The following ITSN1 variants were observed in gnomAD, a reference collection of about 807,000 sequenced individuals.
The protein encoded by ITSN1 is intersectin-1.
ITSN1 carries 58 observed loss-of-function variants against 239.8 expected under a neutral mutation model. That is an observed-to-expected ratio of 0.24 (90% CI 0.20 to 0.30). The LOEUF is 0.30. Among genes scored for constraint, ITSN1 ranks in the 10% least tolerant of loss-of-function variants. The pLI, the probability that ITSN1 is intolerant of heterozygous loss-of-function variation, is 1.00. For synonymous variants in ITSN1, 780 were observed against 770.8 expected (o/e 1.01, Z -0.20); for missense variants, 1,558 against 2,103.3 (o/e 0.74, Z 5.07).
At chr21:33,732,466 A>G (rs1032641362) in intron 4 of ITSN1, among the ~76,000 whole-genome samples, 1 of 152,220 alleles carries the variant, frequency 6.6e-6, no homozygotes. Context: ...ATTACTTTCC[A>G]GAAATCACTA....
chr21:33,791,422 T>C (rs2071122918), intron 16 of ITSN1, among the ~76,000 whole-genome samples: 1 of 152,244 alleles, frequency 6.6e-6, no homozygotes, highest in South Asian at 2.1e-4. Context: ...GTTCCTAAGA[T>C]CGGTTCAAAT....
chr21:33,751,549 A>G (rs555359604), intron 6 of ITSN1, among the ~76,000 whole-genome samples: 2 of 152,366 alleles, frequency 1.3e-5, no homozygotes, highest in South Asian at 2.1e-4. Flanking sequence ...ATGTGATACA[A>G]AATGTTTAAT....
Position 33,758,383 on chromosome 21 carries a change from G to A in ITSN1, c.724+2986G>A, listed in dbSNP as rs562221182. 3.3e-5 allele frequency among the ~76,000 whole-genome samples: 5 copies of A among 152,302 alleles called. No individual in the cohort carries two copies. The East Asian group carries it at 5.8e-4, about 18-fold the overall frequency. ...GCTTACCTCTGCCTCCCAAAGTGGT[G>A]GGATTATAGGCGTGAGCCACCGCGT... On this transcript the variant is annotated intron_variant, in intron 8 of 39. Transcript: ENST00000381318.
chr21:33,885,540 C>T lies in ITSN1; in HGVS notation c.4843+18C>T, dbSNP rs183886987. On this transcript the variant is annotated intron_variant, in intron 38 of 39. Transcript: ENST00000381318. ...GTCACATGGTAAGGCTGTGAGGCGC[C>T]CCCGGCTCCTGCTTTGGGGTTGGGA... 6.2e-7 allele frequency: 1 copy of T among 1,609,424 alleles called. No homozygotes were observed. Among genetic ancestry groups the T allele is most frequent in the Non-Finnish European group, 8.5e-7 (1 of 1,175,928 alleles).
In ITSN1 at chr21:33,761,843, A is replaced by C. The variant is rs1602074476; in HGVS notation, c.725-80A>C. The C allele has an allele frequency of 2.6e-5, 25 of 977,550 alleles. No homozygotes were observed. In the East Asian group the frequency reaches 5.7e-4, roughly 22 times the overall value. The allele number at this position is 977,550 out of a possible 1,614,324, so 60.6% of individuals were successfully genotyped here. On this transcript the variant is annotated intron_variant, in intron 8 of 39. Coordinates refer to ENST00000381318, the MANE Select transcript of ITSN1 (RefSeq NM_003024.3). ...ATTGCATGAGGTCATGGAGTAGTCCACATACGCAGAACCCTGGTCCTCCTG... is the reference window on the plus strand; with the variant it reads ...ATTGCATGAGGTCATGGAGTAGTCCCCATACGCAGAACCCTGGTCCTCCTG...
Position 33,794,258 on chromosome 21 carries a change from A to G in ITSN1, c.1825-83A>G, listed in dbSNP as rs2071365808. The G allele has an allele frequency of 5.7e-6, 6 of 1,048,770 alleles. No individual in the cohort carries two copies. In the Admixed American group the frequency reaches 1.2e-4, roughly 21 times the overall value. 65.0% of individuals were successfully genotyped at this position (1,048,770 alleles called of 1,614,324 possible). ...ATCTCCTAAGTGTCCTAGGCTTCCCACTATGAAATGTTGCATGCTGATAAA... is the reference window on the plus strand; with the variant it reads ...ATCTCCTAAGTGTCCTAGGCTTCCCGCTATGAAATGTTGCATGCTGATAAA... On this transcript the variant is annotated intron_variant, in intron 16 of 39. Coordinates refer to ENST00000381318, the MANE Select transcript of ITSN1 (RefSeq NM_003024.3).
chr21:33,664,779 A>G lies in ITSN1; in HGVS notation c.-33+22066A>G, dbSNP rs190286192. Among the ~76,000 whole-genome samples the G allele has an allele frequency of 2.0e-5, 3 of 152,334 alleles. No homozygotes were observed. The East Asian group carries it at 5.8e-4, about 29-fold the overall frequency. ...TTATCACCTGTGATCCAAGCCTGGA[A>G]TTTATAATTTAAGATACGAATGAAG... On this transcript the variant is annotated intron_variant, in intron 1 of 39. Coordinates refer to ENST00000381318, the MANE Select transcript of ITSN1 (RefSeq NM_003024.3).
intron 1 of ITSN1, among the ~76,000 whole-genome samples, chr21:33,650,514 A>G (rs1400152758): frequency 6.6e-6 from 1 of 152,226 alleles, no homozygotes; most frequent in African/African-American, 2.4e-5. Context: ...AAACACATAT[A>G]TCATTCCAGT....
intron 7 of ITSN1, among the ~76,000 whole-genome samples, chr21:33,752,334 A>ACT (rs2067611459): frequency 6.6e-6 from 1 of 150,408 alleles, no homozygotes; most frequent in African/African-American, 2.5e-5. Flanking sequence ...TATCTCAGAT[A>ACT]ATCTTGTGGA....
chr21:33,729,957 T>G (rs1045560516), intron 4 of ITSN1, among the ~76,000 whole-genome samples: 7 of 152,242 alleles, frequency 4.6e-5, no homozygotes, highest in African/African-American at 1.4e-4. Flanking sequence ...ATTTCAAGAT[T>G]ACTTTGTAGT....
At chr21:33,807,728 A>C (rs1353359481) in intron 20 of ITSN1, among the ~76,000 whole-genome samples, 1 of 152,206 alleles carries the variant, frequency 6.6e-6, no homozygotes, top group Non-Finnish European at 1.5e-5. Context: ...GTCCAAAATG[A>C]GCAGACGAGT....
At chr21:33,746,890 A>G (rs2067217769) in intron 5 of ITSN1, among the ~76,000 whole-genome samples, 1 of 152,134 alleles carries the variant, frequency 6.6e-6, no homozygotes, top group African/African-American at 2.4e-5. Flanking sequence ...GCGGTGGCTC[A>G]CGGCTGTAAT....
intron 1 of ITSN1, among the ~76,000 whole-genome samples, chr21:33,650,500 G>A (rs2146111651): frequency 6.6e-6 from 1 of 152,298 alleles, no homozygotes; most frequent in East Asian, 1.9e-4. Context: ...ACAAAATGTT[G>A]TGTAAACACA....
chr21:33,785,360 G>A (rs1478633145), intron 16 of ITSN1, among the ~76,000 whole-genome samples: 1 of 152,174 alleles, frequency 6.6e-6, no homozygotes, highest in Admixed American at 6.5e-5. Flanking sequence ...GTAATACAGG[G>A]AATAATCGTA....
rs188070191 is a variant in ITSN1 at position 33,707,752 on chromosome 21, G to A, written c.-32-11045G>A. On this transcript the variant is annotated intron_variant, in intron 1 of 39. Transcript: ENST00000381318. Reference sequence around the variant, plus strand: ...GTTGGTTACTTTTTATTGCCAAGTAGCATTTCATTGGATGGATAGATCATC... The same window carrying A: ...GTTGGTTACTTTTTATTGCCAAGTAACATTTCATTGGATGGATAGATCATC... Among the ~76,000 whole-genome samples the A allele has an allele frequency of 9.5e-4, 144 of 152,264 alleles. 1 individual carries two copies. Among genetic ancestry groups the A allele is most frequent in the Non-Finnish European group, 7.5e-4 (51 of 68,028 alleles).
At chr21:33,670,167 A>T (rs1196867437) in intron 1 of ITSN1, among the ~76,000 whole-genome samples, 2 of 152,128 alleles carry the variant, frequency 1.3e-5, no homozygotes, top group Non-Finnish European at 2.9e-5. Flanking sequence ...CAGCTTGGAC[A>T]ACATAGTGAG....
At chr21:33,716,702 A>T (rs532804290) in intron 1 of ITSN1, 12 of 152,222 alleles carry the variant, frequency 7.9e-5, no homozygotes, top group African/African-American at 2.9e-4. Flanking sequence ...GAAAACCTTA[A>T]AAGTGAAAGA....
At chr21:33,671,795 T>A (rs145452127) in intron 1 of ITSN1, among the ~76,000 whole-genome samples, 6,719 of 151,576 alleles carry the variant, frequency 0.044, 502 homozygotes, top group African/African-American at 0.16. Context: ...CCGTCTCAAA[T>A]AAATAAATAA....
At chr21:33,790,813 T>A (rs184398361) in intron 16 of ITSN1, among the ~76,000 whole-genome samples, 2 of 152,226 alleles carry the variant, frequency 1.3e-5, no homozygotes, top group East Asian at 1.9e-4. Context: ...AATAATTTGC[T>A]CATTTCCTAG....
Sources: allele counts gnomAD v4.1 joint callset (sites outside exome capture counted in the v4.1 genomes callset), GRCh38; gene constraint gnomAD v4.1.1; transcripts MANE v1.5; gene names NCBI Gene and HGNC (gene_info 2026-07-23, HGNC 2026-07-21).